ADGRD1: variants seen among roughly 807,000 people sequenced by gnomAD.
The protein encoded by ADGRD1 is G-protein coupled receptor 133.
Under a neutral mutation model 113.4 loss-of-function variants are expected in ADGRD1, and 77 were observed. The ratio of observed to expected loss-of-function variants is 0.68; its 90% CI spans 0.57 to 0.82. ADGRD1 has a LOEUF of 0.82. Ranked by LOEUF, ADGRD1 falls within the 40% of genes least tolerant of loss-of-function variation. The pLI, the probability that ADGRD1 is intolerant of heterozygous loss-of-function variation, is 0.00. For synonymous variants in ADGRD1, 474 were observed against 475.0 expected (o/e 1.00, Z 0.03); for missense variants, 1,036 against 1,139.1 (o/e 0.91, Z 1.30).
At chr12:131,070,297 G>A (rs1038147128) in intron 13 of ADGRD1, 6 of 153,536 alleles carry the variant, frequency 3.9e-5, no homozygotes, top group Admixed American at 3.2e-4. Flanking sequence ...AGCAGAGGCC[G>A]CCTCCTTCCA....
At chr12:131,034,370 G>A (rs1420934149) in intron 13 of ADGRD1, among the ~76,000 whole-genome samples, 1 of 152,216 alleles carries the variant, frequency 6.6e-6, no homozygotes, top group Non-Finnish European at 1.5e-5. Context: ...AGTCGCCACT[G>A]CCGACCTGAC....
intron 16 of ADGRD1, among the ~76,000 whole-genome samples, chr12:131,105,511 A>T (rs574390546): frequency 6.6e-6 from 1 of 152,350 alleles, no homozygotes; most frequent in Non-Finnish European, 1.5e-5. Context: ...CTGGGAAAGA[A>T]AGGAACTCAG....
chr12:131,125,055 C>A (rs1265774482), intron 20 of ADGRD1, among the ~76,000 whole-genome samples: 1 of 152,192 alleles, frequency 6.6e-6, no homozygotes, highest in Admixed American at 6.5e-5. Flanking sequence ...ACATGCTTTT[C>A]CCTCTGTGCA....
rs779864112 is a variant in ADGRD1 at position 130,954,436 on chromosome 12, T to G, written c.-30T>G. On this transcript the variant is annotated 5_prime_UTR_variant, in exon 1 of 25. Coordinates refer to ENST00000261654, the MANE Select transcript of ADGRD1 (RefSeq NM_198827.5). The surrounding 1 kb of genome is among the most constrained non-coding windows in gnomAD (Gnocchi z 4.7). ...CTCACAGACCCTCAGGAATTTCACT[T>G]GGCTCCGAGCTTTGACCTCCGAGAG... The G allele has an allele frequency of 2.6e-6, 4 of 1,523,058 alleles. No homozygotes were observed. Among genetic ancestry groups the G allele is most frequent in the Non-Finnish European group, 3.5e-6 (4 of 1,137,090 alleles). The allele number at this position is 1,523,058 out of a possible 1,614,324, so 94.3% of individuals were successfully genotyped here. A position where few individuals can be genotyped will look rare whatever the true frequency, so the allele number is the denominator to read the frequency against.
intron 5 of ADGRD1, among the ~76,000 whole-genome samples, chr12:130,983,413 T>C (rs964899382): frequency 1.1e-4 from 16 of 152,182 alleles, no homozygotes; most frequent in African/African-American, 3.6e-4. Context: ...CAGAACCATC[T>C]GAACCTTTTC....
Position 130,971,360 on chromosome 12 carries a change from A to G in ADGRD1, c.188-98A>G. 1.3e-6 allele frequency: 1 copy of G among 742,508 alleles called. No individual in the cohort carries two copies. Among genetic ancestry groups the G allele is most frequent in the East Asian group, 2.9e-5 (1 of 33,962 alleles). 46.0% of individuals were successfully genotyped at this position (742,508 alleles called of 1,614,324 possible). A position where few individuals can be genotyped will look rare whatever the true frequency, so the allele number is the denominator to read the frequency against. ...TATATACTTAGATAAATAATAATGC[A>G]TACTTACACATAAGTTATTTGTAGG... On this transcript the variant is annotated intron_variant, in intron 3 of 24. Coordinates refer to ENST00000261654, the MANE Select transcript of ADGRD1 (RefSeq NM_198827.5). This position sits in a 1 kb window ranked among gnomAD's most constrained non-coding sequence, Gnocchi z 4.2.
intron 17 of ADGRD1, among the ~76,000 whole-genome samples, chr12:131,106,905 T>TA (rs1388650218): frequency 1.3e-5 from 2 of 152,224 alleles, no homozygotes; most frequent in African/African-American, 4.8e-5. Context: ...GAGGATTCCT[T>TA]ACAGTGCAGA....
chr12:131,000,431 G>T lies in ADGRD1; in HGVS notation c.1015G>T (p.Ala339Ser). Residue 339 changes from alanine (A) to serine (S), a missense_variant, in exon 9 of 25, where the codon GCT becomes TCT. By Grantham distance (99) the Ala-to-Ser change is moderately conservative. Coordinates refer to ENST00000261654, the MANE Select transcript of ADGRD1 (RefSeq NM_198827.5). ...GEILLLPGWI[A>S]LSEDSAVVLS... ...GATCCTTCTACTGCCTGGTTGGATT[G>T]CTCTGTCAGAGGTAAGAGAAAAGAA... 1 of 1,612,222 alleles carries T rather than the reference G, an allele frequency of 6.2e-7. No homozygotes were observed. Among genetic ancestry groups the T allele is most frequent in the Non-Finnish European group, 8.5e-7 (1 of 1,178,958 alleles).
At chr12:130,959,389 T>C (rs1452528735) in intron 2 of ADGRD1, among the ~76,000 whole-genome samples, 1 of 152,012 alleles carries the variant, frequency 6.6e-6, no homozygotes, top group Non-Finnish European at 1.5e-5. Flanking sequence ...CTGGGCAACA[T>C]AGTGAGACCC....
chr12:131,025,476 G>T (rs1411585628), intron 13 of ADGRD1: 1 of 152,166 alleles, frequency 6.6e-6, no homozygotes, highest in Non-Finnish European at 1.5e-5. Flanking sequence ...ACCGTGACAT[G>T]GAGGCTGCAG....
At chr12:131,000,153 G>A (rs1258777889) in intron 8 of ADGRD1, among the ~76,000 whole-genome samples, 1 of 152,228 alleles carries the variant, frequency 6.6e-6, no homozygotes, top group African/African-American at 2.4e-5. Flanking sequence ...ACGTTCCGGT[G>A]CTGGTCACTG....
intron 15 of ADGRD1, among the ~76,000 whole-genome samples, chr12:131,093,032 C>T (rs375476336): frequency 1.4e-3 from 209 of 152,122 alleles, no homozygotes; most frequent in African/African-American, 4.7e-3. Context: ...ATGGCCTCCC[C>T]GTACCACAAG....
At chr12:131,065,050 C>T (rs974321790) in intron 13 of ADGRD1, among the ~76,000 whole-genome samples, 1 of 152,190 alleles carries the variant, frequency 6.6e-6, no homozygotes, top group Non-Finnish European at 1.5e-5. Flanking sequence ...TATGTATTTA[C>T]CTTCTACTCC....
rs372949275 is a variant in ADGRD1 at position 131,003,164 on chromosome 12, C to T, written c.1027-21C>T. The T allele has an allele frequency of 1.7e-5, 27 of 1,584,950 alleles. No individual in the cohort carries two copies. The highest frequency in any genetic ancestry group is 2.2e-5 in the Non-Finnish European group (25 of 1,153,740). On this transcript the variant is annotated intron_variant, in intron 9 of 24. Coordinates refer to ENST00000261654, the MANE Select transcript of ADGRD1 (RefSeq NM_198827.5). This position sits in a 1 kb window ranked among gnomAD's most constrained non-coding sequence, Gnocchi z 4.8. ...TGAGTGGGGTGGATTTTCATGGCTC[C>T]TGGTGCTTGTGTTGCTGCAGGACAG...
In ADGRD1 at chr12:131,141,289, T is replaced by A. The variant is rs760514390; in HGVS notation, c.*2026T>A. ...TTTCCAATGAATGAAAGTCATGCAC[T>A]TTATTTATAGGCTCTATGTTTTGGC... On this transcript the variant is annotated 3_prime_UTR_variant, in exon 25 of 25. Transcript: ENST00000261654. 6.6e-6 allele frequency: 1 copy of A among 152,278 alleles called. No homozygotes were observed. The highest frequency in any genetic ancestry group is 1.5e-5 in the Non-Finnish European group (1 of 68,046). 9.4% of individuals were successfully genotyped at this position (152,278 alleles called of 1,614,324 possible). A position where few individuals can be genotyped will look rare whatever the true frequency, so the allele number is the denominator to read the frequency against.
chr12:131,112,114 G>T (rs995673279), intron 18 of ADGRD1, among the ~76,000 whole-genome samples: 1 of 147,966 alleles, frequency 6.8e-6, no homozygotes, highest in Non-Finnish European at 1.5e-5. Context: ...TTATTTATTT[G>T]TTTAGTAACT....
chr12:131,042,849 A>T (rs545249039), intron 13 of ADGRD1, among the ~76,000 whole-genome samples: 1 of 152,390 alleles, frequency 6.6e-6, no homozygotes, highest in South Asian at 2.1e-4. Flanking sequence ...AGCTGGCAAC[A>T]GTTACGAATT....
chr12:131,012,579 C>T (rs1283990883), intron 12 of ADGRD1, among the ~76,000 whole-genome samples: 1 of 152,212 alleles, frequency 6.6e-6, no homozygotes, highest in African/African-American at 2.4e-5. Flanking sequence ...CCTGCTCTTT[C>T]TCAGGGATGT....
chr12:130,998,308 AC>A (rs973990020), intron 8 of ADGRD1, among the ~76,000 whole-genome samples: 17 of 152,022 alleles, frequency 1.1e-4, no homozygotes, highest in African/African-American at 4.1e-4. Context: ...TCCCTGTGGG[AC>A]CCCTGGTGTA....
Sources: gnomAD v4.1 joint callset for allele counts (sites outside exome capture counted in the v4.1 genomes callset) on GRCh38, gnomAD v4.1.1 for gene constraint, Gnocchi (gnomAD v3.1) non-coding constraint, MANE v1.5 for transcripts, NCBI Gene and HGNC (gene_info 2026-07-23, HGNC 2026-07-21) for gene names.